The following GLT1D1 variants were observed in gnomAD, a reference collection of about 807,000 sequenced individuals.
GLT1D1 encodes glycosyltransferase 1 domain containing 1.
In GLT1D1, 21 loss-of-function variants were observed where a neutral mutation model predicts 28.7. That is an observed-to-expected ratio of 0.73 (90% CI 0.52 to 1.05). GLT1D1 has a LOEUF of 1.05. GLT1D1 is among the 50% of genes least tolerant of loss of function. The pLI is 0.00. For missense variants in GLT1D1, 343 were observed against 330.6 expected (o/e 1.04, Z -0.29); for synonymous variants, 147 against 124.8 (o/e 1.18, Z -1.19).
intron 3 of GLT1D1, among the ~76,000 whole-genome samples, chr12:128,898,528 G>A (rs1223415355): frequency 6.6e-6 from 1 of 152,030 alleles, no homozygotes; most frequent in Non-Finnish European, 1.5e-5. Flanking sequence ...TATATGTATA[G>A]GTAAACTTTA....
At chr12:128,856,769 G>C (rs1481086682) in intron 1 of GLT1D1, among the ~76,000 whole-genome samples, 1 of 151,868 alleles carries the variant, frequency 6.6e-6, no homozygotes, top group Admixed American at 6.6e-5. Flanking sequence ...AAAAAAACAA[G>C]AAAACAAAAA....
intron 4 of GLT1D1, among the ~76,000 whole-genome samples, chr12:128,937,834 A>G (rs1874720065): frequency 6.6e-6 from 1 of 152,094 alleles, no homozygotes; most frequent in African/African-American, 2.4e-5. Flanking sequence ...CCCTTCCACC[A>G]TGATTGTAAG....
At chr12:128,976,883 C>T (rs111756736) in intron 7 of GLT1D1, among the ~76,000 whole-genome samples, 1,903 of 152,266 alleles carry the variant, frequency 0.012, 38 homozygotes, top group African/African-American at 0.044. Context: ...CAGTGGCTCA[C>T]ACCTGTAATC....
intron 4 of GLT1D1, among the ~76,000 whole-genome samples, chr12:128,938,115 G>A (rs1874753596): frequency 6.6e-6 from 1 of 152,210 alleles, no homozygotes; most frequent in Non-Finnish European, 1.5e-5. Context: ...CAGCCTGAAT[G>A]TGAATACTGG....
At chr12:128,960,020 C>G (rs1032394518) in intron 7 of GLT1D1, among the ~76,000 whole-genome samples, 3 of 152,154 alleles carry the variant, frequency 2.0e-5, no homozygotes, top group Non-Finnish European at 4.4e-5. Context: ...TTGTAAGATA[C>G]TCCTTTTAAT....
At chr12:128,966,403 C>T (rs1252560133) in intron 7 of GLT1D1, among the ~76,000 whole-genome samples, 1 of 152,222 alleles carries the variant, frequency 6.6e-6, no homozygotes, top group Admixed American at 6.5e-5. Context: ...CATCTCTGCT[C>T]CTCCCTCACA....
intron 2 of GLT1D1, among the ~76,000 whole-genome samples, chr12:128,887,505 A>T (rs925892596): frequency 1.9e-4 from 28 of 151,136 alleles, no homozygotes; most frequent in Non-Finnish European, 3.4e-4. Context: ...ACACACACAC[A>T]CACACACACA....
At chr12:128,864,677 C>T (rs898846410) in intron 1 of GLT1D1, among the ~76,000 whole-genome samples, 1 of 152,152 alleles carries the variant, frequency 6.6e-6, no homozygotes, top group East Asian at 1.9e-4. Flanking sequence ...CTGGGGAAAC[C>T]TTCTAAGGGG....
At chr12:128,908,027 T>G (rs1298780598) in intron 4 of GLT1D1, among the ~76,000 whole-genome samples, 2 of 152,184 alleles carry the variant, frequency 1.3e-5, no homozygotes, top group Non-Finnish European at 2.9e-5. Context: ...GTAGATGGGG[T>G]GCCACACTCT....
At chr12:128,927,999 CA>C (rs938188484) in intron 4 of GLT1D1, among the ~76,000 whole-genome samples, 1,012 of 42,090 alleles carry the variant, frequency 0.024, 3 homozygotes, top group African/African-American at 0.055. Context: ...GACTCTGTCT[CA>C]AAAAAAAAAA....
intron 1 of GLT1D1, among the ~76,000 whole-genome samples, chr12:128,856,736 T>G (rs571394791): frequency 3.6e-4 from 54 of 152,098 alleles, no homozygotes; most frequent in Non-Finnish European, 7.1e-4. Context: ...AAACACTTTG[T>G]GCTTAAGAAG....
In GLT1D1 at chr12:128,918,135, C is replaced by T. The variant is rs140394183; in HGVS notation, c.375+18848C>T. ...GTGGAATACTATGCAGCCATAAAAA[C>T]GAACAAGATCATGTCCTTTGCAGGA... is the stretch of plus-strand genomic sequence containing the variant. On this transcript the variant is annotated intron_variant, in intron 4 of 7. Transcript: ENST00000281703. 9.5e-4 allele frequency among the ~76,000 whole-genome samples: 145 copies of T among 152,198 alleles called. 2 individuals carry two copies. The East Asian group carries it at 0.026, about 28-fold the overall frequency.
chr12:128,953,940 T>G (rs1409738840), intron 6 of GLT1D1, among the ~76,000 whole-genome samples: 1 of 151,716 alleles, frequency 6.6e-6, no homozygotes, highest in East Asian at 2.0e-4. Flanking sequence ...GAGACGGGCT[T>G]TCACCACGTT....
chr12:128,943,923 CCGGGAAAATA>C (rs1415070170), intron 4 of GLT1D1, among the ~76,000 whole-genome samples: 4 of 152,104 alleles, frequency 2.6e-5, no homozygotes, highest in Admixed American at 2.0e-4. Flanking sequence ...TTTAACTTTT[CCGGGAAAATA>C]CGGAAGCTTT....
At chr12:128,874,194 C>CTCTT (rs1956817102) in intron 1 of GLT1D1, among the ~76,000 whole-genome samples, 4 of 139,426 alleles carry the variant, frequency 2.9e-5, no homozygotes, top group African/African-American at 1.2e-4. Context: ...CTTTCTTTCT[C>CTCTT]TCTTTCTCTC....
At chr12:128,973,531 C>T (rs769463737) in intron 7 of GLT1D1, among the ~76,000 whole-genome samples, 3 of 151,634 alleles carry the variant, frequency 2.0e-5, no homozygotes, top group Non-Finnish European at 1.5e-5. Context: ...ATAACCAGAA[C>T]GAATGGCAGA....
chr12:128,863,866 A>G (rs1395591261), intron 1 of GLT1D1, among the ~76,000 whole-genome samples: 3 of 151,060 alleles, frequency 2.0e-5, no homozygotes, highest in Admixed American at 6.6e-5. Context: ...GAATGGCGTG[A>G]ACCCGGGAGG....
intron 4 of GLT1D1, among the ~76,000 whole-genome samples, chr12:128,915,318 G>C (rs1169126171): frequency 6.6e-6 from 1 of 151,140 alleles, no homozygotes; most frequent in Non-Finnish European, 1.5e-5. Flanking sequence ...TATACACGTA[G>C]TTAAATTACC....
rs938188484 is a variant in GLT1D1 at position 128,927,999 on chromosome 12, C to CAAAA, written c.376-17304_376-17301dup. Among the ~76,000 whole-genome samples, 251 of 42,228 alleles carry CAAAA rather than the reference C, an allele frequency of 5.9e-3. 41 individuals are homozygous for CAAAA. Among genetic ancestry groups the CAAAA allele is most frequent in the Non-Finnish European group, 8.0e-3 (216 of 27,004 alleles). 27.7% of individuals were successfully genotyped at this position (42,228 alleles called of 152,430 possible). A position where few individuals can be genotyped will look rare whatever the true frequency, so the allele number is the denominator to read the frequency against. On this transcript the variant is annotated intron_variant, in intron 4 of 7. Transcript: ENST00000281703. ...TGGCCGACAGAGCAAGACTCTGTCT[C>CAAAA]AAAAAAAAAAAAAAAAAAAAAAAAA...
Sources: allele counts gnomAD v4.1 joint callset (sites outside exome capture counted in the v4.1 genomes callset), GRCh38; gene constraint gnomAD v4.1.1; transcripts MANE v1.5; gene names NCBI Gene and HGNC (gene_info 2026-07-23, HGNC 2026-07-21).